Variants in CNBD1 observed in about 807,000 individuals in gnomAD.
CNBD1 encodes the protein cyclic nucleotide binding domain containing 1.
CNBD1 carries 71 observed loss-of-function variants against 54.4 expected under a neutral mutation model. The ratio of observed to expected loss-of-function variants is 1.30; its 90% CI spans 1.08 to 1.59. The LOEUF (loss-of-function observed/expected upper bound fraction) is 1.59, where lower values mean the gene tolerates loss of function less well. Among genes scored for constraint, CNBD1 ranks in the 40% most tolerant of loss-of-function variants. The probability of loss-of-function intolerance (pLI) is 0.00; values close to 1 mark genes in which losing one functional copy is unlikely to be tolerated. For missense variants in CNBD1, 659 were observed against 518.0 expected, an observed-to-expected ratio of 1.27 and a Z score of -2.64; for synonymous variants, 182 against 170.7, an observed-to-expected ratio of 1.07 and a Z score of -0.51.
chr8:87,185,119 G>C (rs1305085537), intron 4 of CNBD1, among the ~76,000 whole-genome samples: 1 of 152,010 alleles, frequency 6.6e-6, no homozygotes, highest in Non-Finnish European at 1.5e-5. Context: ...ACTGAGGTTT[G>C]TCTTATGGTA....
At chr8:87,332,074 G>A (rs375368120) in intron 8 of CNBD1, among the ~76,000 whole-genome samples, 10 of 151,960 alleles carry the variant, frequency 6.6e-5, no homozygotes, top group Non-Finnish European at 1.3e-4. Flanking sequence ...AAGGCTGGGC[G>A]TTGGGGCTCA....
intron 8 of CNBD1, among the ~76,000 whole-genome samples, chr8:87,343,259 A>G (rs771099339): frequency 1.3e-5 from 2 of 152,152 alleles, no homozygotes; most frequent in East Asian, 1.9e-4. Context: ...TCAAACACAC[A>G]TGTTTTACGG....
intron 2 of CNBD1, among the ~76,000 whole-genome samples, chr8:87,426,419 T>A (rs181050799): frequency 1.3e-5 from 2 of 152,332 alleles, no homozygotes; most frequent in Non-Finnish European, 2.9e-5. Context: ...AAAACTTGAA[T>A]AATAATGCTA....
rs572137053 is a variant in CNBD1 at position 86,922,542 on chromosome 8, G to A, written c.273-17054G>A. On this transcript the variant is annotated intron_variant, in intron 3 of 10. Transcript: ENST00000518476. ...ACCATGACATAAAAAGGAAAGCCTG[G>A]ATGGCTTGGGGTATTATTGTAGCCA... is the stretch of plus-strand genomic sequence containing the variant. 5.0e-4 allele frequency among the ~76,000 whole-genome samples: 76 copies of A among 152,214 alleles called. 1 individual carries two copies. The South Asian group carries it at 0.015, about 30-fold the overall frequency.
chr8:86,956,394 G>C (rs531304363), intron 4 of CNBD1, among the ~76,000 whole-genome samples: 2 of 152,136 alleles, frequency 1.3e-5, no homozygotes, highest in Non-Finnish European at 1.5e-5. Context: ...TGATGGGGAT[G>C]GCATTGAATC....
At chr8:87,154,832 G>C (rs945436339) in intron 4 of CNBD1, among the ~76,000 whole-genome samples, 7 of 152,146 alleles carry the variant, frequency 4.6e-5, no homozygotes, top group African/African-American at 1.4e-4. Flanking sequence ...GATCGTTAGT[G>C]TAGAACGCAC....
intron 4 of CNBD1, among the ~76,000 whole-genome samples, chr8:86,959,765 G>C (rs1271162696): frequency 2.0e-5 from 3 of 152,036 alleles, no homozygotes; most frequent in African/African-American, 7.2e-5. Context: ...CTTTTTTCAA[G>C]GTTTTTAGCT....
At chr8:87,362,925 G>A (rs968742885) in intron 10 of CNBD1, among the ~76,000 whole-genome samples, 1 of 151,680 alleles carries the variant, frequency 6.6e-6, no homozygotes, top group African/African-American at 2.4e-5. Flanking sequence ...TACATGTATA[G>A]ACACATGCCG....
intron 2 of CNBD1, among the ~76,000 whole-genome samples, chr8:87,406,936 T>C (rs1807662711): frequency 6.6e-6 from 1 of 152,162 alleles, no homozygotes; most frequent in Admixed American, 6.6e-5. Flanking sequence ...ATTTTGTAAT[T>C]TACTCTGGAG....
chr8:86,957,444 G>A (rs895040096), intron 4 of CNBD1, among the ~76,000 whole-genome samples: 29 of 152,178 alleles, frequency 1.9e-4, no homozygotes, highest in Admixed American at 1.9e-3. Context: ...ATTCGGCTGT[G>A]AATCCAGCTG....
At chr8:87,275,066 C>T (rs1470734365) in intron 6 of CNBD1, among the ~76,000 whole-genome samples, 2 of 134,240 alleles carry the variant, frequency 1.5e-5, no homozygotes, top group African/African-American at 3.0e-5. Flanking sequence ...TCAGGTTTGT[C>T]AAAGATCAGA....
chr8:86,901,306 GA>G (rs1808929103), intron 2 of CNBD1, among the ~76,000 whole-genome samples: 1 of 151,998 alleles, frequency 6.6e-6, no homozygotes. Flanking sequence ...TACATGTGTA[GA>G]TGCTATGATA....
At chr8:87,008,259 G>A (rs1448523542) in intron 4 of CNBD1, among the ~76,000 whole-genome samples, 3 of 152,092 alleles carry the variant, frequency 2.0e-5, no homozygotes, top group Non-Finnish European at 2.9e-5. Context: ...ATCTTTATCT[G>A]AATCTATTTA....
chr8:87,330,349 T>G (rs979532793), intron 8 of CNBD1, among the ~76,000 whole-genome samples: 6 of 151,828 alleles, frequency 4.0e-5, no homozygotes, highest in Admixed American at 2.6e-4. Flanking sequence ...ATTTTATTAA[T>G]TTTGGCTCTC....
intron 4 of CNBD1, among the ~76,000 whole-genome samples, chr8:87,036,181 G>A (rs1018765096): frequency 1.1e-4 from 16 of 152,072 alleles, no homozygotes; most frequent in African/African-American, 3.4e-4. Flanking sequence ...ATGTAGGATT[G>A]GGATCTCTTA....
At chr8:86,906,316 A>T (rs1404488899) in intron 3 of CNBD1, among the ~76,000 whole-genome samples, 2 of 152,338 alleles carry the variant, frequency 1.3e-5, no homozygotes, top group East Asian at 3.9e-4. Context: ...GGGCAGTATT[A>T]TGTAAAACAT....
At chr8:87,336,863 C>T (rs557795372) in intron 8 of CNBD1, among the ~76,000 whole-genome samples, 1 of 152,204 alleles carries the variant, frequency 6.6e-6, no homozygotes, top group African/African-American at 2.4e-5. Context: ...GCTACTGACC[C>T]TTGGATGAGG....
intron 8 of CNBD1, among the ~76,000 whole-genome samples, chr8:87,306,956 A>C (rs1292087172): frequency 1.3e-5 from 2 of 152,202 alleles, no homozygotes; most frequent in African/African-American, 4.8e-5. Context: ...GGAACAGAAA[A>C]AAATGTACTC....
In CNBD1 at chr8:87,214,318, G is replaced by A. The variant is rs559518060; in HGVS notation, c.577+8180G>A. Among the ~76,000 whole-genome samples the A allele has an allele frequency of 2.6e-4, 40 of 152,246 alleles. 1 individual carries two copies. Among genetic ancestry groups the A allele is most frequent in the African/African-American group, 8.9e-4 (37 of 41,534 alleles). ...TCAAAGTTCCACAGTCCTCTAGGGC[G>A]GGGGCAAAATGCTGCCAGTCTCTGC... On this transcript the variant is annotated intron_variant, in intron 5 of 10. Coordinates refer to ENST00000518476, the MANE Select transcript of CNBD1 (RefSeq NM_173538.3).
Sources: allele counts gnomAD v4.1 joint callset (sites outside exome capture counted in the v4.1 genomes callset), GRCh38; gene constraint gnomAD v4.1.1; transcripts MANE v1.5; gene names NCBI Gene and HGNC (gene_info 2026-07-23, HGNC 2026-07-21).